HEMK2: variants seen among roughly 807,000 people sequenced by gnomAD.
HEMK2 encodes methyltransferase HEMK2.
At chr21:28,841,062 A>ATATATAAATAAATATTATATAT in the HEMK2 span, among the ~76,000 whole-genome samples, 24 of 48,226 alleles carry the variant, frequency 5.0e-4, 1 homozygote, top group Non-Finnish European at 6.0e-4. Context: ...TATTATATAT[A>ATATATAAATAAATATTATATAT]AATAAATATT....
chr21:28,845,074 C>T, the HEMK2 span, among the ~76,000 whole-genome samples: 9 of 152,018 alleles, frequency 5.9e-5, no homozygotes, highest in African/African-American at 2.2e-4. Context: ...GATCTTCTTG[C>T]AAGGCTTTTA....
At chr21:28,767,241 C>T in the HEMK2 span, among the ~76,000 whole-genome samples, 5 of 151,906 alleles carry the variant, frequency 3.3e-5, no homozygotes, top group South Asian at 2.1e-4. Flanking sequence ...TGGAACTGTA[C>T]GTAAGTCCAA....
the HEMK2 span, among the ~76,000 whole-genome samples, chr21:28,850,978 C>CAT: frequency 1.1e-5 from 1 of 90,858 alleles, no homozygotes; most frequent in Non-Finnish European, 2.1e-5. Flanking sequence ...TGCCCAGATG[C>CAT]ATATATACCA....
chr21:28,797,958 C>A, the HEMK2 span, among the ~76,000 whole-genome samples: 1 of 152,152 alleles, frequency 6.6e-6, no homozygotes, highest in South Asian at 2.1e-4. Context: ...ACTGATCCCA[C>A]CAAACATTCT....
At chr21:28,816,219 A>G in the HEMK2 span, among the ~76,000 whole-genome samples, 1 of 152,240 alleles carries the variant, frequency 6.6e-6, no homozygotes, top group Non-Finnish European at 1.5e-5. Context: ...CTTTGTTCCT[A>G]GCAAACTAAT....
the HEMK2 span, among the ~76,000 whole-genome samples, chr21:28,629,506 C>T: frequency 2.0e-5 from 3 of 152,218 alleles, no homozygotes; most frequent in Non-Finnish European, 4.4e-5. Context: ...AACAAATGCT[C>T]ATGTAGACAT....
At chr21:28,737,559 G>A in the HEMK2 span, among the ~76,000 whole-genome samples, 25 of 151,514 alleles carry the variant, frequency 1.7e-4, no homozygotes, top group East Asian at 4.9e-3. Context: ...GTGTTTTAAT[G>A]GGTTTTCAGA....
At chr21:28,739,083 A>C in the HEMK2 span, among the ~76,000 whole-genome samples, 9 of 152,186 alleles carry the variant, frequency 5.9e-5, no homozygotes, top group Non-Finnish European at 8.8e-5. Flanking sequence ...AAATGAAACC[A>C]AAAAAACCTA....
the HEMK2 span, among the ~76,000 whole-genome samples, chr21:28,822,689 C>T: frequency 6.6e-6 from 1 of 152,000 alleles, no homozygotes; most frequent in Non-Finnish European, 1.5e-5. Context: ...ATTCCTTTCC[C>T]CAGTTATTAC....
chr21:28,642,736 T>C, the HEMK2 span, among the ~76,000 whole-genome samples: 1 of 152,350 alleles, frequency 6.6e-6, no homozygotes, highest in South Asian at 2.1e-4. Flanking sequence ...GGGCCCTCTC[T>C]GAAGCCGCAC....
chr21:28,639,159 A>C, the HEMK2 span, among the ~76,000 whole-genome samples: 1 of 152,254 alleles, frequency 6.6e-6, no homozygotes, highest in African/African-American at 2.4e-5. Flanking sequence ...AACCAAGTTA[A>C]GAAACCTTCA....
At chr21:28,755,750 A>C in the HEMK2 span, among the ~76,000 whole-genome samples, 167 of 152,308 alleles carry the variant, frequency 1.1e-3, 1 homozygote, top group Non-Finnish European at 1.9e-3. Flanking sequence ...GGCGATGAAA[A>C]TTGTGCCTGA....
the HEMK2 span, among the ~76,000 whole-genome samples, chr21:28,792,815 T>C: frequency 6.6e-6 from 1 of 152,172 alleles, no homozygotes; most frequent in Non-Finnish European, 1.5e-5. Context: ...TTCCTAGGGT[T>C]CTCACTGTTT....
chr21:28,790,312 T>C, the HEMK2 span, among the ~76,000 whole-genome samples: 1 of 152,232 alleles, frequency 6.6e-6, no homozygotes, highest in South Asian at 2.1e-4. Flanking sequence ...ATCAAACTGC[T>C]ATTTGGTTAG....
chr21:28,580,611 T>C, the HEMK2 span, among the ~76,000 whole-genome samples: 2 of 151,332 alleles, frequency 1.3e-5, no homozygotes, highest in Admixed American at 1.3e-4. Flanking sequence ...ACAGCTTTAG[T>C]ATGCACAGTG....
At chr21:28,740,595 G>A in the HEMK2 span, among the ~76,000 whole-genome samples, 1 of 152,226 alleles carries the variant, frequency 6.6e-6, no homozygotes. Context: ...TCGGCTTCAT[G>A]CTAAAGTATT....
At chr21:28,884,442 C>T in the HEMK2 span, among the ~76,000 whole-genome samples, 2 of 152,148 alleles carry the variant, frequency 1.3e-5, no homozygotes, top group Admixed American at 1.3e-4. Flanking sequence ...CCTGAGAAAA[C>T]CCAGTTCATC....
At chr21:28,788,192 G>GTATATATACACA in the HEMK2 span, among the ~76,000 whole-genome samples, 5 of 113,058 alleles carry the variant, frequency 4.4e-5, no homozygotes, top group Non-Finnish European at 6.4e-5. Flanking sequence ...ACATATATAC[G>GTATATATACACA]TATATACGTA....
chr21:28,841,927 A>G, the HEMK2 span, among the ~76,000 whole-genome samples: 1 of 152,064 alleles, frequency 6.6e-6, no homozygotes, highest in African/African-American at 2.4e-5. Context: ...ATTCTGTGCA[A>G]CTCCACTGGG....
Sources: allele counts gnomAD v4.1 joint callset (sites outside exome capture counted in the v4.1 genomes callset), GRCh38; gene constraint gnomAD v4.1.1; transcripts MANE v1.5; gene names NCBI Gene and HGNC (gene_info 2026-07-23, HGNC 2026-07-21).